TMEM266: variants seen among roughly 807,000 people sequenced by gnomAD.
The protein encoded by TMEM266 is Hv1 related protein 1.
TMEM266 carries 33 observed loss-of-function variants against 50.5 expected under a neutral mutation model. The observed-to-expected ratio is 0.65, with a 90% CI of 0.50 to 0.87. The LOEUF is 0.87. TMEM266 is among the 40% of genes least tolerant of loss of function. TMEM266 has a pLI of 0.00. For missense variants in TMEM266, 655 were observed against 695.1 expected (o/e 0.94, Z 0.65); for synonymous variants, 310 against 292.3 (o/e 1.06, Z -0.62).
intron 1 of TMEM266, among the ~76,000 whole-genome samples, chr15:76,126,272 C>G (rs112636447): frequency 6.6e-6 from 1 of 151,100 alleles, no homozygotes; most frequent in Admixed American, 6.6e-5. Flanking sequence ...TGCACTCTTA[C>G]ATTTATTGCA....
rs1437745233 is a variant in TMEM266 at position 76,126,665 on chromosome 15, G to A, written c.-96-7503G>A. 5.9e-5 allele frequency among the ~76,000 whole-genome samples: 9 copies of A among 151,832 alleles called. No individual in the cohort carries two copies. In the East Asian group the frequency reaches 7.8e-4, roughly 13 times the overall value. On this transcript the variant is annotated intron_variant, in intron 1 of 10. Coordinates refer to ENST00000388942, the MANE Select transcript of TMEM266 (RefSeq NM_152335.3). ...TCCTGCCTCAGCCTCCTGAGTAGCT[G>A]GGATTACAGGCGCCCACCATGCCCG...
intron 1 of TMEM266, among the ~76,000 whole-genome samples, chr15:76,123,876 C>G (rs979934886): frequency 6.6e-6 from 1 of 152,110 alleles, no homozygotes; most frequent in Non-Finnish European, 1.5e-5. Context: ...CCATGCCTGA[C>G]TAATTTTTGT....
intron 9 of TMEM266, among the ~76,000 whole-genome samples, chr15:76,200,659 C>T (rs1298409171): frequency 1.3e-5 from 2 of 152,324 alleles, no homozygotes; most frequent in East Asian, 1.9e-4. Context: ...ACCTGGCCCA[C>T]AGGGCCTGGG....
At chr15:76,191,749 G>A (rs1177071402) in intron 8 of TMEM266, 1 of 493,784 alleles carries the variant, frequency 2.0e-6, no homozygotes, top group African/African-American at 2.0e-5. Flanking sequence ...CAAGGCACCT[G>A]AGACGCAGGA....
At chr15:76,202,146 TA>T in intron 9 of TMEM266, 55 bp from the exon 10 acceptor site, 1 of 1,473,986 alleles carries the variant, frequency 6.8e-7, no homozygotes, top group East Asian at 2.3e-5. Flanking sequence ...GACAGGAGTA[TA>T]AGGGGTAGAG....
chr15:76,142,431 T>C (rs1030241318), intron 3 of TMEM266, among the ~76,000 whole-genome samples: 2 of 152,200 alleles, frequency 1.3e-5, no homozygotes, highest in African/African-American at 4.8e-5. Context: ...TCAATGCTTT[T>C]GGGTATATAT....
chr15:76,109,082 G>A (rs1426866528), intron 1 of TMEM266: 2 of 152,156 alleles, frequency 1.3e-5, no homozygotes, highest in African/African-American at 2.4e-5. Flanking sequence ...GGTCACCTGA[G>A]AAGATCTTTG....
chr15:76,097,360 CT>C (rs1194795332), intron 1 of TMEM266, among the ~76,000 whole-genome samples: 2 of 151,938 alleles, frequency 1.3e-5, no homozygotes, highest in Non-Finnish European at 2.9e-5. Context: ...TTTATTTCTC[CT>C]TCACTTATGC....
intron 1 of TMEM266, among the ~76,000 whole-genome samples, chr15:76,063,117 A>G (rs777045618): frequency 2.6e-5 from 4 of 152,246 alleles, no homozygotes; most frequent in Admixed American, 1.3e-4. Flanking sequence ...CTTGAATCAC[A>G]AAAGTTCACA....
chr15:76,093,337 G>A (rs1383113998), intron 1 of TMEM266, among the ~76,000 whole-genome samples: 3 of 146,928 alleles, frequency 2.0e-5, no homozygotes, highest in Admixed American at 6.9e-5. Flanking sequence ...CCCTCCCTAT[G>A]TCCATGTGTT....
In TMEM266 at chr15:76,203,928, G is replaced by C; in HGVS notation, c.1209G>C (p.Gln403His). 1 of 1,614,072 alleles carries C rather than the reference G, an allele frequency of 6.2e-7. No individual in the cohort carries two copies. The highest frequency in any genetic ancestry group is 8.5e-7 in the Non-Finnish European group (1 of 1,180,022). ...CCCGGGCCCAGAGTGACAGCAGCCA[G>C]ACGCTGGGCTCCTCCATGGACTGCA... The change falls in exon 11 of 11, where the codon CAG becomes CAC. Residue 403 changes from glutamine (Q) to histidine (H), a missense_variant. Coordinates refer to ENST00000388942, the MANE Select transcript of TMEM266 (RefSeq NM_152335.3).
intron 1 of TMEM266, among the ~76,000 whole-genome samples, chr15:76,072,964 T>C (rs1470148883): frequency 2.1e-5 from 3 of 145,214 alleles, no homozygotes; most frequent in African/African-American, 5.2e-5. Context: ...GGAGTTTTGC[T>C]CTTGTTGCCC....
intron 1 of TMEM266, among the ~76,000 whole-genome samples, chr15:76,125,134 C>T (rs2037400754): frequency 6.6e-6 from 1 of 152,072 alleles, no homozygotes; most frequent in Non-Finnish European, 1.5e-5. Flanking sequence ...TGGATATTTA[C>T]ATTAAAAAAG....
intron 3 of TMEM266, among the ~76,000 whole-genome samples, chr15:76,148,934 T>G (rs2037797192): frequency 6.6e-6 from 1 of 152,136 alleles, no homozygotes; most frequent in Non-Finnish European, 1.5e-5. Flanking sequence ...TATGGAAACT[T>G]CAATTTATTT....
At chr15:76,076,169 TC>T (rs2036606379) in intron 1 of TMEM266, among the ~76,000 whole-genome samples, 1 of 151,974 alleles carries the variant, frequency 6.6e-6, no homozygotes, top group South Asian at 2.1e-4. Flanking sequence ...AGAAGGCAGC[TC>T]TTCAAGCCTT....
At chr15:76,165,139 G>C (rs2038075720) in intron 5 of TMEM266, among the ~76,000 whole-genome samples, 1 of 152,244 alleles carries the variant, frequency 6.6e-6, no homozygotes, top group Non-Finnish European at 1.5e-5. Context: ...GCCTGGACCA[G>C]GTGCAAGGCT....
chr15:76,090,056 C>A (rs912857086), intron 1 of TMEM266, among the ~76,000 whole-genome samples: 1 of 152,086 alleles, frequency 6.6e-6, no homozygotes, highest in Admixed American at 6.6e-5. Flanking sequence ...TTTTGAAATT[C>A]GTGTGTGACA....
At chr15:76,093,863 C>G (rs1238944367) in intron 1 of TMEM266, among the ~76,000 whole-genome samples, 1 of 152,058 alleles carries the variant, frequency 6.6e-6, no homozygotes, top group Admixed American at 6.5e-5. Context: ...CTCTGATGAC[C>G]AGTGATGATG....
chr15:76,134,295 A>G lies in TMEM266; in HGVS notation c.32A>G (p.Asn11Ser), dbSNP rs1319691126. The stretch of plus-strand genomic sequence containing the variant: ...GTGGCTCCATCTTTCAACATGACCA[A>G]TCCACAGTAAGTAATGCTGGGATCT... Residue 11 changes from asparagine (N) to serine (S), a missense_variant, in exon 2 of 11, where the codon AAT (asparagine) becomes AGT (serine). Transcript: ENST00000388942. 6.2e-6 allele frequency: 10 copies of G among 1,613,702 alleles called. No homozygotes were observed. Among genetic ancestry groups the G allele is most frequent in the Non-Finnish European group, 7.6e-6 (9 of 1,179,744 alleles).
Sources: gnomAD v4.1 joint callset for allele counts (sites outside exome capture counted in the v4.1 genomes callset) on GRCh38, gnomAD v4.1.1 for gene constraint, MANE v1.5 for transcripts, NCBI Gene and HGNC (gene_info 2026-07-23, HGNC 2026-07-21) for gene names.